The following CYREN variants were observed in gnomAD, a reference collection of about 807,000 sequenced individuals.
CYREN encodes the protein cell cycle regulator of NHEJ, also known as cell cycle regulator of non-homologous end joining.
A neutral mutation model predicts 9.7 loss-of-function variants in CYREN; 7 were observed. That is an observed-to-expected ratio of 0.72 (90% confidence interval 0.41 to 1.36). The LOEUF (loss-of-function observed/expected upper bound fraction) is 1.36. Ranked by LOEUF, CYREN falls within the 40% of genes most tolerant of loss-of-function variation. The pLI is 0.01. For missense variants in CYREN, 215 were observed against 198.1 expected (o/e 1.09, Z -0.51); for synonymous variants, 76 against 77.9 (o/e 0.98, Z 0.13).
downstream of CYREN, chr7:135,164,395 T>G (rs751695481): frequency 6.5e-7 from 1 of 1,542,206 alleles, no homozygotes; most frequent in South Asian, 1.2e-5. Context: ...AGAGATGGAC[T>G]GACTGCTGTG....
Position 135,168,998 on chromosome 7 carries a change from G to A in CYREN, c.-76C>T, listed in dbSNP as rs1830449001. The A allele has an allele frequency of 3.6e-6, 5 of 1,392,040 alleles. No homozygotes were observed. Among genetic ancestry groups the A allele is most frequent in the Middle Eastern group, 1.9e-4 (1 of 5,358 alleles). 86.2% of individuals were successfully genotyped at this position (1,392,040 alleles called of 1,614,324 possible). Reference sequence around the variant, plus strand: ...TTTTTAATTCAGGAAGGTAAATCTCGTTCTCTCGTCACACCCGGAATTACA... The same window carrying A: ...TTTTTAATTCAGGAAGGTAAATCTCATTCTCTCGTCACACCCGGAATTACA... On this transcript the variant is annotated 5_prime_UTR_variant, in exon 2 of 4. In the 5' UTR this introduces an upstream ATG that the reference lacks. Transcript: ENST00000393114.
chr7:135,168,672 G>T, intron 2 of CYREN, 114 bp downstream of exon 2: 1 of 1,450,260 alleles, frequency 6.9e-7, no homozygotes, highest in Non-Finnish European at 9.2e-7. Flanking sequence ...TGATCAGACT[G>T]AAACACCCGC....
chr7:135,096,600 G>GATAGATAC (rs1822836732), intron 2 of CYREN, among the ~76,000 whole-genome samples: 1 of 80,808 alleles, frequency 1.2e-5, no homozygotes, highest in Non-Finnish European at 2.8e-5. Flanking sequence ...TAGATAGATA[G>GATAGATAC]ATAGATAGAT....
chr7:135,131,030 G>A (rs1329312593), intron 2 of CYREN, among the ~76,000 whole-genome samples: 2 of 152,050 alleles, frequency 1.3e-5, no homozygotes, highest in Non-Finnish European at 2.9e-5. Flanking sequence ...ACTGTTTTAG[G>A]TGTGTGTGTC....
intron 2 of CYREN, among the ~76,000 whole-genome samples, chr7:135,139,946 T>C (rs1459015019): frequency 2.6e-5 from 4 of 151,990 alleles, no homozygotes; most frequent in South Asian, 2.1e-4. Context: ...ACCAGTACCA[T>C]GTTGTTTTGG....
At chr7:135,148,550 T>C (rs989460997) in intron 2 of CYREN, among the ~76,000 whole-genome samples, 1 of 152,192 alleles carries the variant, frequency 6.6e-6, no homozygotes, top group Non-Finnish European at 1.5e-5. Flanking sequence ...TTAGAAACGA[T>C]GCAGGGCTGA....
chr7:135,167,911 G>T lies in CYREN; in HGVS notation c.138-104C>A. 1.9e-6 allele frequency: 3 copies of T among 1,564,042 alleles called. No homozygotes were observed. The East Asian group carries it at 6.8e-5, about 35-fold the overall frequency. On this transcript the variant is annotated intron_variant, in intron 2 of 3. Transcript: ENST00000393114. ...CCTCTTCCCCCTGCCTTCCTACCAC[G>T]CAGGAGGTACCAGCACCTCTGAGCT...
chr7:135,107,858 G>A (rs576015389), intron 2 of CYREN, among the ~76,000 whole-genome samples: 2 of 152,220 alleles, frequency 1.3e-5, no homozygotes, highest in South Asian at 2.1e-4. Context: ...TCTTTTTGTA[G>A]GTCTCTAGGA....
At chr7:135,143,985 C>T (rs1251910902) in intron 2 of CYREN, among the ~76,000 whole-genome samples, 1 of 152,188 alleles carries the variant, frequency 6.6e-6, no homozygotes, top group East Asian at 1.9e-4. Context: ...GTCACTCCAG[C>T]TCCCAGTCAA....
intron 2 of CYREN, chr7:135,147,926 A>T (rs1011346213): frequency 6.6e-5 from 30 of 455,742 alleles, no homozygotes; most frequent in South Asian, 1.1e-4. Flanking sequence ...TGCCGGCTAC[A>T]GTGTAGGTAA....
intron 2 of CYREN, among the ~76,000 whole-genome samples, chr7:135,139,888 C>T (rs1313606752): frequency 6.6e-6 from 1 of 151,466 alleles, no homozygotes; most frequent in Non-Finnish European, 1.5e-5. Flanking sequence ...TTGTAGGGTA[C>T]AACATTATAT....
chr7:135,150,133 A>G (rs1346652000), intron 2 of CYREN, among the ~76,000 whole-genome samples: 2 of 152,098 alleles, frequency 1.3e-5, no homozygotes, highest in Non-Finnish European at 2.9e-5. Context: ...GATCCATGTG[A>G]AATTTATTTG....
At chr7:135,127,161 C>T (rs936548296) in intron 2 of CYREN, among the ~76,000 whole-genome samples, 2 of 152,150 alleles carry the variant, frequency 1.3e-5, no homozygotes, top group African/African-American at 4.8e-5. Context: ...GGAACTTAAA[C>T]ATATTTACAA....
At chr7:135,169,594 C>T (rs990505229) in intron 1 of CYREN, 6 of 152,072 alleles carry the variant, frequency 3.9e-5, no homozygotes, top group Non-Finnish European at 7.3e-5. Context: ...CAATAGGGGC[C>T]CGGAGGCATT....
In CYREN at chr7:135,167,713, G is replaced by A. The variant is rs1236051600; in HGVS notation, c.213+19C>T. 6 of 1,613,808 alleles carry A rather than the reference G, an allele frequency of 3.7e-6. No homozygotes were observed. Among genetic ancestry groups the A allele is most frequent in the Non-Finnish European group, 5.1e-6 (6 of 1,179,894 alleles). ...ATGCAGAGTTTCTGGTCATGAGTAA[G>A]AGGCTTGTCTGACTTTACCTCAATC... is the stretch of plus-strand genomic sequence containing the variant. On this transcript the variant is annotated intron_variant, in intron 3 of 3. Transcript: ENST00000393114.
intron 2 of CYREN, among the ~76,000 whole-genome samples, chr7:135,119,989 A>G (rs911159217): frequency 2.0e-5 from 3 of 152,252 alleles, no homozygotes; most frequent in African/African-American, 7.2e-5. Flanking sequence ...AAGCACAATA[A>G]TTTTAATTAT....
At chr7:135,106,119 C>A (rs926335406) in intron 2 of CYREN, among the ~76,000 whole-genome samples, 74 of 152,136 alleles carry the variant, frequency 4.9e-4, no homozygotes, top group African/African-American at 1.7e-3. Context: ...TGTTTGTCAG[C>A]TGAAGGAGCT....
At chr7:135,155,674 G>A (rs1035621563) in intron 2 of CYREN, among the ~76,000 whole-genome samples, 10 of 152,246 alleles carry the variant, frequency 6.6e-5, no homozygotes, top group Admixed American at 6.5e-4. Flanking sequence ...AAAATAGCAA[G>A]ATCTTGTCTC....
In CYREN at chr7:135,138,911, A is replaced by G. The variant is rs574182326; in HGVS notation, n.356+29838T>C. On this transcript the variant is annotated intron_variant and non_coding_transcript_variant, in intron 2 of 2. Transcript: ENST00000459937. ...CCTCCAGCTTCACCCATGTTGCTGT[A>G]AAGGACACTATTTCATTCTTTTATA... 5.7e-4 allele frequency among the ~76,000 whole-genome samples: 86 copies of G among 152,108 alleles called. 1 individual carries two copies. In the South Asian group the frequency reaches 0.018, roughly 31 times the overall value.
Sources: gnomAD v4.1 joint callset for allele counts (sites outside exome capture counted in the v4.1 genomes callset) on GRCh38, gnomAD v4.1.1 for gene constraint, MANE v1.5 for transcripts, NCBI Gene and HGNC (gene_info 2026-07-23, HGNC 2026-07-21) for gene names.